The following HS2ST1 variants were observed in gnomAD, a reference collection of about 807,000 sequenced individuals.
HS2ST1 encodes heparan sulfate 2-O-sulfotransferase 1, also known as 2-O-sulfotransferase.
In HS2ST1, 18 loss-of-function variants were observed where a neutral mutation model predicts 42.9. The observed-to-expected ratio is 0.42, with a 90% CI of 0.29 to 0.62. The LOEUF (loss-of-function observed/expected upper bound fraction) is 0.62. Ranked by LOEUF, HS2ST1 falls within the 20% of genes least tolerant of loss-of-function variation. The probability of loss-of-function intolerance (pLI) is 0.21; values close to 1 mark genes in which losing one functional copy is unlikely to be tolerated. For synonymous variants in HS2ST1, 146 were observed against 152.9 expected (o/e 0.95, Z 0.33); for missense variants, 334 against 433.8 (o/e 0.77, Z 2.04).
intron 1 of HS2ST1, among the ~76,000 whole-genome samples, chr1:87,007,443 A>G (rs913075509): frequency 4.6e-5 from 7 of 152,074 alleles, no homozygotes; most frequent in Non-Finnish European, 7.4e-5. Context: ...CATGGCCCCT[A>G]AGTTATTATA....
chr1:86,953,986 T>G (rs1647599320), intron 1 of HS2ST1, among the ~76,000 whole-genome samples: 1 of 146,544 alleles, frequency 6.8e-6, no homozygotes, highest in African/African-American at 2.6e-5. Flanking sequence ...GTGGGCATGG[T>G]TTGTGACGCC....
chr1:87,049,778 G>A (rs1198503229), intron 1 of HS2ST1, among the ~76,000 whole-genome samples: 3 of 152,020 alleles, frequency 2.0e-5, no homozygotes, highest in African/African-American at 7.2e-5. Context: ...TGGCTAATTA[G>A]TTGATGATAT....
chr1:86,994,420 T>C (rs928086864), intron 1 of HS2ST1, among the ~76,000 whole-genome samples: 2 of 152,192 alleles, frequency 1.3e-5, no homozygotes, highest in Non-Finnish European at 2.9e-5. Context: ...CAAAATTCCT[T>C]GGCTTTGTTA....
At chr1:87,073,194 C>A (rs1385897498) in intron 2 of HS2ST1, 22 bp downstream of exon 2, 2 of 1,485,716 alleles carry the variant, frequency 1.3e-6, no homozygotes, top group South Asian at 1.1e-5. Context: ...TTAAGGAATG[C>A]CCAAATATTT....
intron 1 of HS2ST1, among the ~76,000 whole-genome samples, chr1:86,952,209 G>C (rs1175514684): frequency 6.6e-6 from 1 of 152,126 alleles, no homozygotes; most frequent in African/African-American, 2.4e-5. Flanking sequence ...GTCCGTGGCA[G>C]CTATAGCCTT....
At chr1:87,058,137 A>G (rs975894071) in intron 1 of HS2ST1, among the ~76,000 whole-genome samples, 1 of 151,686 alleles carries the variant, frequency 6.6e-6, no homozygotes, top group African/African-American at 2.4e-5. Context: ...TATGCAATCC[A>G]GAGGTCCCCT....
At chr1:86,991,288 G>GC (rs1222635050) in intron 1 of HS2ST1, among the ~76,000 whole-genome samples, 1 of 152,040 alleles carries the variant, frequency 6.6e-6, no homozygotes, top group Non-Finnish European at 1.5e-5. Flanking sequence ...AAATCTGGTA[G>GC]CCCCCCTGAA....
At chr1:87,096,421 C>T (rs1652068409) in intron 4 of HS2ST1, among the ~76,000 whole-genome samples, 1 of 152,164 alleles carries the variant, frequency 6.6e-6, no homozygotes, top group Non-Finnish European at 1.5e-5. Context: ...GTTAAAAACT[C>T]ATATACATTA....
chr1:86,979,470 G>T (rs112244174), intron 1 of HS2ST1, among the ~76,000 whole-genome samples: 1 of 152,040 alleles, frequency 6.6e-6, no homozygotes, highest in Non-Finnish European at 1.5e-5. Context: ...TTTTGTGTTC[G>T]TATTGTTGTG....
chr1:87,012,044 C>T (rs1570483713), intron 1 of HS2ST1, among the ~76,000 whole-genome samples: 1 of 152,194 alleles, frequency 6.6e-6, no homozygotes, highest in Non-Finnish European at 1.5e-5. Context: ...ATTGATTCCC[C>T]TTTCCACAAT....
intron 1 of HS2ST1, among the ~76,000 whole-genome samples, chr1:86,965,843 T>C (rs1425847399): frequency 2.0e-5 from 3 of 152,168 alleles, no homozygotes; most frequent in Non-Finnish European, 4.4e-5. Context: ...AAAAGAATAG[T>C]TTATACAAGG....
At chr1:87,079,891 T>A (rs1651641843) in intron 2 of HS2ST1, among the ~76,000 whole-genome samples, 1 of 150,764 alleles carries the variant, frequency 6.6e-6, no homozygotes. Flanking sequence ...TTTTTTTTTC[T>A]TTAAATCTTG....
At chr1:87,085,581 ATATTT>A (rs1327710329) in intron 3 of HS2ST1, among the ~76,000 whole-genome samples, 4 of 152,338 alleles carry the variant, frequency 2.6e-5, no homozygotes, top group East Asian at 3.8e-4. Flanking sequence ...AATATTGAAA[ATATTT>A]TATAGGCAGC....
At chr1:87,020,918 T>C (rs936698123) in intron 1 of HS2ST1, among the ~76,000 whole-genome samples, 2 of 152,204 alleles carry the variant, frequency 1.3e-5, no homozygotes, top group Non-Finnish European at 2.9e-5. Context: ...AAATGAACCA[T>C]GACCATAAAC....
chr1:87,096,676 TC>T (rs1337035360), intron 4 of HS2ST1, among the ~76,000 whole-genome samples: 1 of 152,174 alleles, frequency 6.6e-6, no homozygotes, highest in African/African-American at 2.4e-5. Flanking sequence ...CCTGGTAGCA[TC>T]CCCCATACCT....
chr1:87,101,156 G>GTTTTTT (rs1162453464), intron 5 of HS2ST1, among the ~76,000 whole-genome samples: 38 of 91,132 alleles, frequency 4.2e-4, no homozygotes, highest in Non-Finnish European at 4.9e-4. Context: ...TGTGTTTTTT[G>GTTTTTT]TTTTTTTTTT....
At chr1:86,964,674 ATTAAATC>A (rs1021983255) in intron 1 of HS2ST1, among the ~76,000 whole-genome samples, 2 of 152,198 alleles carry the variant, frequency 1.3e-5, no homozygotes, top group African/African-American at 2.4e-5. Context: ...AGCTGTGTTT[ATTAAATC>A]TTAAAGCTAA....
chr1:87,064,308 C>T (rs978534962), intron 1 of HS2ST1, among the ~76,000 whole-genome samples: 8 of 152,162 alleles, frequency 5.3e-5, no homozygotes, highest in Non-Finnish European at 1.0e-4. Flanking sequence ...CAACTCAGCA[C>T]TTTATTGTCC....
chr1:86,941,487 T>G (rs1440595340), intron 1 of HS2ST1, among the ~76,000 whole-genome samples: 1 of 151,966 alleles, frequency 6.6e-6, no homozygotes, highest in Admixed American at 6.6e-5. Flanking sequence ...AAAAAAAAAT[T>G]ACAGCCGGGC....
Sources: gnomAD v4.1 joint callset for allele counts (sites outside exome capture counted in the v4.1 genomes callset) on GRCh38, gnomAD v4.1.1 for gene constraint, MANE v1.5 for transcripts, NCBI Gene and HGNC (gene_info 2026-07-23, HGNC 2026-07-21) for gene names.